Variants in CNTNAP2 observed in about 807,000 individuals in gnomAD.
CNTNAP2 encodes the protein contactin-associated protein-like 2.
A neutral mutation model predicts 155.2 loss-of-function variants in CNTNAP2; 98 were observed. That is an observed-to-expected ratio of 0.63 (90% confidence interval 0.54 to 0.75). The LOEUF (loss-of-function observed/expected upper bound fraction) is 0.75. Ranked by LOEUF, CNTNAP2 falls within the 30% of genes least tolerant of loss-of-function variation. The pLI is 0.00. For missense variants in CNTNAP2, 1,727 were observed against 1,688.1 expected (o/e 1.02, Z -0.40); for synonymous variants, 651 against 631.2 (o/e 1.03, Z -0.47).
At chr7:146,566,292 T>C (rs1481353597) in intron 1 of CNTNAP2, among the ~76,000 whole-genome samples, 1 of 152,234 alleles carries the variant, frequency 6.6e-6, no homozygotes, top group Non-Finnish European at 1.5e-5. Flanking sequence ...TTAATGAAGA[T>C]TTATCTTTCA....
At chr7:147,717,966 A>G (rs899799933) in intron 13 of CNTNAP2, among the ~76,000 whole-genome samples, 3 of 151,974 alleles carry the variant, frequency 2.0e-5, no homozygotes, top group South Asian at 4.1e-4. Flanking sequence ...TCATATTACT[A>G]TAATAGTACC....
At chr7:147,571,189 A>G (rs1464401862) in intron 12 of CNTNAP2, among the ~76,000 whole-genome samples, 2 of 151,466 alleles carry the variant, frequency 1.3e-5, no homozygotes, top group Non-Finnish European at 2.9e-5. Context: ...TTACATATGT[A>G]TACATGTGCC....
chr7:146,974,977 AC>A (rs1459211386), intron 3 of CNTNAP2, among the ~76,000 whole-genome samples: 2 of 152,322 alleles, frequency 1.3e-5, no homozygotes, highest in African/African-American at 4.8e-5. Flanking sequence ...ATCTAAAAAA[AC>A]AAAACAAAGC....
chr7:147,309,054 A>G (rs1393509095), intron 9 of CNTNAP2, among the ~76,000 whole-genome samples: 1 of 152,226 alleles, frequency 6.6e-6, no homozygotes, highest in East Asian at 1.9e-4. Flanking sequence ...TCCACCTTGA[A>G]AATACCACCT....
At chr7:146,737,040 A>C (rs1004926240) in intron 1 of CNTNAP2, among the ~76,000 whole-genome samples, 1 of 152,182 alleles carries the variant, frequency 6.6e-6, no homozygotes, top group African/African-American at 2.4e-5. Context: ...TGTGTGAAGA[A>C]AAATAAATTC....
chr7:147,629,055 A>G (rs568164394), intron 12 of CNTNAP2, among the ~76,000 whole-genome samples: 100 of 152,180 alleles, frequency 6.6e-4, no homozygotes, highest in African/African-American at 2.3e-3. Context: ...GGGGGCTTCA[A>G]TACTCCTCTG....
chr7:147,910,880 T>A (rs1185385805), intron 14 of CNTNAP2, among the ~76,000 whole-genome samples: 1 of 152,208 alleles, frequency 6.6e-6, no homozygotes, highest in Non-Finnish European at 1.5e-5. Context: ...ATATCAAAGA[T>A]GTAAGTTCTG....
intron 13 of CNTNAP2, among the ~76,000 whole-genome samples, chr7:147,810,846 A>G (rs1247290530): frequency 1.3e-5 from 2 of 152,334 alleles, no homozygotes; most frequent in Middle Eastern, 3.4e-3. Flanking sequence ...ACAAAGAATG[A>G]CTGAAGTTCT....
rs570855380 is a variant in CNTNAP2 at position 146,962,277 on chromosome 7, C to T, written c.403-81630C>T. On this transcript the variant is annotated intron_variant, in intron 3 of 23. Transcript: ENST00000361727. ...AATGAAAGAATGAGCAACTGTAGAG[C>T]TGTGTTTTGTGCATTTTCTTTAACA... Among the ~76,000 whole-genome samples the T allele has an allele frequency of 2.6e-5, 4 of 152,234 alleles. No homozygotes were observed. In the East Asian group the frequency reaches 7.7e-4, roughly 29 times the overall value.
intron 22 of CNTNAP2, among the ~76,000 whole-genome samples, chr7:148,402,432 G>A (rs1304157394): frequency 2.0e-5 from 3 of 152,154 alleles, no homozygotes; most frequent in Admixed American, 2.0e-4. Context: ...CTGACTTAGA[G>A]AAATCGCTCC....
intron 15 of CNTNAP2, among the ~76,000 whole-genome samples, chr7:148,068,359 T>A (rs1012955702): frequency 6.6e-6 from 1 of 152,206 alleles, no homozygotes; most frequent in African/African-American, 2.4e-5. Context: ...CTCTTTCTGC[T>A]GCTTCTTCTA....
chr7:146,308,738 A>G (rs2129090088), intron 1 of CNTNAP2, among the ~76,000 whole-genome samples: 1 of 152,236 alleles, frequency 6.6e-6, no homozygotes, highest in African/African-American at 2.4e-5. Flanking sequence ...CAGAAAACCA[A>G]ACACCACATG....
At chr7:148,373,635 A>G (rs1798930604) in intron 21 of CNTNAP2, among the ~76,000 whole-genome samples, 2 of 152,196 alleles carry the variant, frequency 1.3e-5, no homozygotes. Flanking sequence ...CTACTCAAAC[A>G]TATTACAATG....
At chr7:147,227,440 C>T (rs1002087264) in intron 8 of CNTNAP2, among the ~76,000 whole-genome samples, 2 of 151,888 alleles carry the variant, frequency 1.3e-5, no homozygotes, top group African/African-American at 4.8e-5. Flanking sequence ...TTCTAACTGC[C>T]ACGTTGAAAA....
chr7:146,305,748 C>T (rs923327918), intron 1 of CNTNAP2, among the ~76,000 whole-genome samples: 3 of 151,900 alleles, frequency 2.0e-5, no homozygotes, highest in Admixed American at 1.3e-4. Flanking sequence ...TTTAAAGCAG[C>T]GTGTAGGGGG....
At chr7:146,720,978 C>CTATATATATACAGTATATATATAGACTA (rs71165032) in intron 1 of CNTNAP2, among the ~76,000 whole-genome samples, 1 of 121,944 alleles carries the variant, frequency 8.2e-6, no homozygotes, top group African/African-American at 3.7e-5. Context: ...TATATATAGA[C>CTATATATATACAGTATATATATAGACTA]TATATATACT....
intron 15 of CNTNAP2, among the ~76,000 whole-genome samples, chr7:147,992,097 T>TTTTTC (rs1176645204): frequency 6.1e-5 from 8 of 132,102 alleles, no homozygotes; most frequent in East Asian, 2.2e-4. Flanking sequence ...CTTTTTTTTT[T>TTTTTC]TTTTTTTTTT....
intron 11 of CNTNAP2, among the ~76,000 whole-genome samples, chr7:147,523,946 G>C (rs1005394253): frequency 1.3e-5 from 2 of 152,154 alleles, no homozygotes; most frequent in African/African-American, 4.8e-5. Context: ...AGGTCAAACA[G>C]TTTCCTCCGT....
intron 3 of CNTNAP2, among the ~76,000 whole-genome samples, chr7:147,030,278 T>A (rs1799004253): frequency 6.6e-6 from 1 of 152,234 alleles, no homozygotes; most frequent in African/African-American, 2.4e-5. Flanking sequence ...CACTTCATTC[T>A]TTATGTAGCA....
Sources: gnomAD v4.1 joint callset for allele counts (sites outside exome capture counted in the v4.1 genomes callset) on GRCh38, gnomAD v4.1.1 for gene constraint, MANE v1.5 for transcripts, NCBI Gene and HGNC (gene_info 2026-07-23, HGNC 2026-07-21) for gene names.